ATP6V1E1: variants seen among roughly 807,000 people sequenced by gnomAD.
ATP6V1E1 encodes the protein V-type proton ATPase subunit E 1.
Under a neutral mutation model 35.2 loss-of-function variants are expected in ATP6V1E1, and 21 were observed. The observed-to-expected ratio is 0.60, with a 90% CI of 0.42 to 0.86. ATP6V1E1 has a LOEUF of 0.86. ATP6V1E1 is among the 40% of genes least tolerant of loss of function. ATP6V1E1 has a pLI of 0.00. For missense variants in ATP6V1E1, 183 were observed against 272.6 expected, an observed-to-expected ratio of 0.67 and a Z score of 2.32; for synonymous variants, 83 against 87.8, an observed-to-expected ratio of 0.95 and a Z score of 0.30.
chr22:17,616,559 G>T (rs2057845861), intron 2 of ATP6V1E1, among the ~76,000 whole-genome samples: 1 of 150,536 alleles, frequency 6.6e-6, no homozygotes, highest in Admixed American at 6.7e-5. Flanking sequence ...TGCGCCTGTA[G>T]TCCCAGCTAC....
chr22:17,619,467 A>G lies in ATP6V1E1; in HGVS notation c.93T>C (p.Asp31=). 6.2e-7 allele frequency: 1 copy of G among 1,605,176 alleles called. No homozygotes were observed. Among genetic ancestry groups the G allele is most frequent in the African/African-American group, 1.3e-5 (1 of 74,858 alleles). ...ACTAGAAAATGAATCTCACCTTTGCATCTATTTCTTCTGCTTTCTCATTGG... is the reference window on the plus strand; with the variant it reads ...ACTAGAAAATGAATCTCACCTTTGCGTCTATTTCTTCTGCTTTCTCATTGG... ...QEANEKAEEI[D]AKAEEEFNIE... The change falls in exon 2 of 9, where the codon GAT becomes GAC. Residue 31 remains aspartate, a synonymous_variant. Transcript: ENST00000253413.
intron 7 of ATP6V1E1, 200 bp downstream of exon 7, chr22:17,597,994 T>G: frequency 1.8e-6 from 1 of 542,072 alleles, no homozygotes; most frequent in Non-Finnish European, 3.3e-6. Flanking sequence ...ACTTTTAGAG[T>G]ATATTTAGCC....
At chr22:17,605,567 C>A (rs954296230) in intron 4 of ATP6V1E1, among the ~76,000 whole-genome samples, 1 of 151,750 alleles carries the variant, frequency 6.6e-6, no homozygotes, top group Non-Finnish European at 1.5e-5. Flanking sequence ...GTAAGTTTTG[C>A]GGTTTGGGGA....
intron 5 of ATP6V1E1, 109 bp from the exon 6 acceptor site, chr22:17,600,204 G>A: frequency 1.0e-6 from 1 of 961,406 alleles, no homozygotes; most frequent in South Asian, 1.5e-5. Context: ...GAAGGCCAAG[G>A]CGGGCGGATT....
intron 4 of ATP6V1E1, among the ~76,000 whole-genome samples, chr22:17,601,607 TTTTG>T (rs762892487): frequency 2.6e-5 from 4 of 152,140 alleles, no homozygotes; most frequent in Non-Finnish European, 4.4e-5. Context: ...ATAATTTCAA[TTTTG>T]TTTGTTTGTT....
chr22:17,593,868 A>C (rs1337916124), intron 8 of ATP6V1E1, among the ~76,000 whole-genome samples: 1 of 152,212 alleles, frequency 6.6e-6, no homozygotes, highest in Non-Finnish European at 1.5e-5. Context: ...ACAAATCTGG[A>C]AACATCTGAA....
intron 7 of ATP6V1E1, among the ~76,000 whole-genome samples, chr22:17,596,869 G>A (rs951496073): frequency 1.3e-5 from 2 of 151,870 alleles, no homozygotes; most frequent in African/African-American, 4.8e-5. Flanking sequence ...CAGTCTCCAG[G>A]TCCCATAGTA....
intron 1 of ATP6V1E1, among the ~76,000 whole-genome samples, chr22:17,622,581 G>A (rs537546430): frequency 1.1e-4 from 16 of 152,234 alleles, no homozygotes; most frequent in African/African-American, 3.4e-4. Context: ...AAACCACCAT[G>A]GCACGCGTAT....
chr22:17,622,265 G>GTCTTT (rs3216619), intron 1 of ATP6V1E1, among the ~76,000 whole-genome samples: 18,825 of 152,082 alleles, frequency 0.12, 1,593 homozygotes, highest in Non-Finnish European at 0.18. Context: ...TTTTATGCCA[G>GTCTTT]TGTGAACCCA....
rs545277744 is a variant in ATP6V1E1 at position 17,592,369 on chromosome 22, C to T, written c.*305G>A. 4.1e-5 allele frequency: 16 copies of T among 388,802 alleles called. No homozygotes were observed. The highest frequency in any genetic ancestry group is 1.9e-4 in the Admixed American group (5 of 26,328). 24.1% of individuals were successfully genotyped at this position (388,802 alleles called of 1,614,324 possible). On this transcript the variant is annotated 3_prime_UTR_variant, in exon 9 of 9. Coordinates refer to ENST00000253413, the MANE Select transcript of ATP6V1E1 (RefSeq NM_001696.4). ...CCAAATACATCACCTTTAGGCCAGA[C>T]GGAGAGTGGAGACCCAGGAAGCCCA...
intron 1 of ATP6V1E1, among the ~76,000 whole-genome samples, chr22:17,624,716 G>C (rs2057895115): frequency 6.6e-6 from 1 of 151,982 alleles, no homozygotes; most frequent in African/African-American, 2.4e-5. Context: ...AGCTACTGGA[G>C]AGGCTGAGAC....
intron 1 of ATP6V1E1, 129 bp from the exon 2 acceptor site, chr22:17,619,655 G>C: frequency 1.3e-6 from 1 of 752,146 alleles, no homozygotes; most frequent in Non-Finnish European, 2.1e-6. Flanking sequence ...GGGGGCCAAG[G>C]AGGGAGGATT....
chr22:17,625,866 TAAAAAA>T (rs563941793), intron 1 of ATP6V1E1, among the ~76,000 whole-genome samples: 1 of 139,672 alleles, frequency 7.2e-6, no homozygotes, highest in African/African-American at 2.6e-5. Flanking sequence ...GTATGGCACT[TAAAAAA>T]AAAAAAAAAG....
chr22:17,612,164 A>G (rs1010017357), intron 4 of ATP6V1E1, among the ~76,000 whole-genome samples: 1 of 152,042 alleles, frequency 6.6e-6, no homozygotes, highest in Non-Finnish European at 1.5e-5. Flanking sequence ...CTTCTATCCC[A>G]ATATTTATGT....
intron 2 of ATP6V1E1, among the ~76,000 whole-genome samples, chr22:17,615,805 G>A (rs2057841132): frequency 6.6e-6 from 1 of 152,122 alleles, no homozygotes; most frequent in African/African-American, 2.4e-5. Flanking sequence ...GGCTGAGGTG[G>A]GCAGATCGTG....
At position 17,592,401 on chromosome 22, in the gene ATP6V1E1, C is replaced by G. The variant is rs2146291656; in HGVS notation, c.*273G>C. The G allele has an allele frequency of 1.8e-5, 8 of 451,124 alleles. 1 individual carries two copies. The Admixed American group carries it at 2.8e-4, about 16-fold the overall frequency. The allele number at this position is 451,124 out of a possible 1,614,324, so 27.9% of individuals were successfully genotyped here. ...TGGAGACCCAGGAAGCCCATGCAAC[C>G]ACCATCTGCCCCCTCCCCTAGTGCT... On this transcript the variant is annotated 3_prime_UTR_variant, in exon 9 of 9. Coordinates refer to ENST00000253413, the MANE Select transcript of ATP6V1E1 (RefSeq NM_001696.4).
At chr22:17,601,666 G>A (rs1220511608) in intron 4 of ATP6V1E1, among the ~76,000 whole-genome samples, 1 of 152,194 alleles carries the variant, frequency 6.6e-6, no homozygotes, top group African/African-American at 2.4e-5. Context: ...GGAGTGCAAT[G>A]GTGCAATCTC....
chr22:17,611,962 A>G lies in ATP6V1E1; in HGVS notation c.276+850T>C, dbSNP rs866253535. ...TTACTCCTAGTAATTTAATAATTTT[A>G]GTAGCTATTATAGAGAGATCTACTT... On this transcript the variant is annotated intron_variant, in intron 4 of 8. Transcript: ENST00000253413. Among the ~76,000 whole-genome samples, 17 of 152,374 alleles carry G rather than the reference A, an allele frequency of 1.1e-4. 1 individual carries two copies. Among genetic ancestry groups the G allele is most frequent in the Middle Eastern group, 6.8e-3 (2 of 294 alleles).
rs1344695816 is a variant in ATP6V1E1 at position 17,620,834 on chromosome 22, C to A, written c.34-1308G>T. On this transcript the variant is annotated intron_variant, in intron 1 of 8. Transcript: ENST00000253413. ...ATCCCAGAACTTTGGGAGGCCGAGG[C>A]GGGCGGATCACGAGGTCAGGAGATC... 6.6e-5 allele frequency among the ~76,000 whole-genome samples: 10 copies of A among 152,164 alleles called. No homozygotes were observed. The East Asian group carries it at 1.6e-3, about 24-fold the overall frequency.
Sources: gnomAD v4.1 joint callset for allele counts (sites outside exome capture counted in the v4.1 genomes callset) on GRCh38, gnomAD v4.1.1 for gene constraint, MANE v1.5 for transcripts, NCBI Gene and HGNC (gene_info 2026-07-23, HGNC 2026-07-21) for gene names.